Variants in ZBTB16 observed in about 807,000 individuals in gnomAD.
ZBTB16 encodes zinc finger and BTB domain containing 16, also known as zinc finger and BTB domain-containing protein 16.
A neutral mutation model predicts 56.8 loss-of-function variants in ZBTB16; 8 were observed. The observed-to-expected ratio is 0.14, with a 90% confidence interval of 0.08 to 0.25. The LOEUF is 0.25. Among genes scored for constraint, ZBTB16 ranks in the 10% least tolerant of loss-of-function variants. ZBTB16 has a pLI of 1.00. For missense variants in ZBTB16, 625 were observed against 903.0 expected (o/e 0.69, Z 3.95); for synonymous variants, 363 against 368.5 (o/e 0.98, Z 0.17).
rs138002933 is a variant in ZBTB16, at chr11:114,185,123, G to A, written c.1367-1829G>A. On this transcript the variant is annotated intron_variant, in intron 3 of 6. Coordinates refer to ENST00000335953, the MANE Select transcript of ZBTB16 (RefSeq NM_006006.6). ...CTCAGGAGGCTGAGGTGGGAGGATC[G>A]CTTGAAACTAGGAGGTTGAGGCTGC... 8.9e-3 allele frequency among the ~76,000 whole-genome samples: 1,350 copies of A among 152,236 alleles called. 19 individuals are homozygous for A. The highest frequency in any genetic ancestry group is 0.03 in the African/African-American group (1,259 of 41,536).
At chr11:114,092,476 C>T (rs748684209) in intron 2 of ZBTB16, among the ~76,000 whole-genome samples, 2 of 152,160 alleles carry the variant, frequency 1.3e-5, no homozygotes, top group African/African-American at 2.4e-5. Flanking sequence ...CAGATGGTTC[C>T]GTTGTCCTCA....
rs145109478 is a variant in ZBTB16, at chr11:114,199,753, C to T, written c.1453+12715C>T. Among the ~76,000 whole-genome samples the T allele has an allele frequency of 4.2e-3, 640 of 152,300 alleles. 5 individuals are homozygous for T. The highest frequency in any genetic ancestry group is 6.2e-3 in the Non-Finnish European group (420 of 68,016). On this transcript the variant is annotated intron_variant, in intron 4 of 6. Coordinates refer to ENST00000335953, the MANE Select transcript of ZBTB16 (RefSeq NM_006006.6). Reference sequence around the variant, plus strand: ...AAGATTCTGATCTTGCATTGATGGTCTGTATTTTTCTCAACCTTAGTTTTT... The same window carrying T: ...AAGATTCTGATCTTGCATTGATGGTTTGTATTTTTCTCAACCTTAGTTTTT...
At chr11:114,089,828 T>A (rs1346392863) in intron 2 of ZBTB16, among the ~76,000 whole-genome samples, 1 of 152,208 alleles carries the variant, frequency 6.6e-6, no homozygotes, top group African/African-American at 2.4e-5. Context: ...CCCTCTAGAC[T>A]TCGCAGGTAA....
At chr11:114,095,717 TA>T (rs1408959603) in intron 2 of ZBTB16, among the ~76,000 whole-genome samples, 1 of 152,196 alleles carries the variant, frequency 6.6e-6, no homozygotes, top group African/African-American at 2.4e-5. Flanking sequence ...GGCTCAGGCC[TA>T]GGGGGTTAGG....
rs1351334910 is a variant in ZBTB16, at chr11:114,250,453, C to A, written c.1920C>A (p.Pro640=). ...GCACCATCTGCACAGAGTACTGCCC[C>A]AGCCTCTCCTCCATGCAGAAGCACA... ...YQCTICTEYC[P]SLSSMQKHMK... The change falls in exon 7 of 7, where the codon CCC becomes CCA. Residue 640 remains proline (P), a synonymous_variant. Transcript: ENST00000335953. This position sits in a 1 kb window ranked among gnomAD's most constrained non-coding sequence, Gnocchi z 6.0. 2 of 1,614,050 alleles carry A rather than the reference C, an allele frequency of 1.2e-6. No homozygotes were observed. Among genetic ancestry groups the A allele is most frequent in the African/African-American group, 1.3e-5 (1 of 74,930 alleles).
At chr11:114,171,817 T>C (rs1942976819) in intron 3 of ZBTB16, among the ~76,000 whole-genome samples, 1 of 152,240 alleles carries the variant, frequency 6.6e-6, no homozygotes, top group South Asian at 2.1e-4. Context: ...CTCAACATTA[T>C]AAAAGTTTGT....
chr11:114,233,061 A>T, intron 4 of ZBTB16, among the ~76,000 whole-genome samples: 1 of 105,024 alleles, frequency 9.5e-6, no homozygotes, highest in Non-Finnish European at 2.0e-5. Context: ...TACTGCACAT[A>T]CGCATGCGCG....
intron 2 of ZBTB16, among the ~76,000 whole-genome samples, chr11:114,104,679 C>T (rs1232326765): frequency 6.6e-6 from 1 of 152,158 alleles, no homozygotes; most frequent in Non-Finnish European, 1.5e-5. Flanking sequence ...AGGCCTGGGC[C>T]CTGGGAACAA....
intron 3 of ZBTB16, among the ~76,000 whole-genome samples, chr11:114,182,064 G>A (rs1340076370): frequency 6.6e-6 from 1 of 152,150 alleles, no homozygotes; most frequent in Non-Finnish European, 1.5e-5. Context: ...TATTGTTGTT[G>A]TTTTGAGACA....
In ZBTB16 at chr11:114,180,538, C is replaced by T. The variant is rs562158017; in HGVS notation, c.1367-6414C>T. Among the ~76,000 whole-genome samples, 3 of 152,320 alleles carry T rather than the reference C, an allele frequency of 2.0e-5. No individual in the cohort carries two copies. The South Asian group carries it at 6.2e-4, about 32-fold the overall frequency. ...CAGAAGAAGCAGACAGCCCCACTTC[C>T]TAACCTTTCCTCCCTTTTCCTCTCA... On this transcript the variant is annotated intron_variant, in intron 3 of 6. Coordinates refer to ENST00000335953, the MANE Select transcript of ZBTB16 (RefSeq NM_006006.6).
At chr11:114,095,001 C>T (rs1184075129) in intron 2 of ZBTB16, among the ~76,000 whole-genome samples, 1 of 152,218 alleles carries the variant, frequency 6.6e-6, no homozygotes, top group Non-Finnish European at 1.5e-5. Flanking sequence ...AAGCTGGGGG[C>T]CTGTCTGCAT....
chr11:114,171,365 C>A (rs1942962916), intron 3 of ZBTB16, among the ~76,000 whole-genome samples: 2 of 152,334 alleles, frequency 1.3e-5, no homozygotes, highest in South Asian at 4.1e-4. Context: ...CTGAACTCCA[C>A]CCCCATCCAG....
intron 4 of ZBTB16, among the ~76,000 whole-genome samples, chr11:114,191,202 C>G (rs528968688): frequency 6.6e-6 from 1 of 152,238 alleles, no homozygotes; most frequent in East Asian, 1.9e-4. Context: ...GATTACAGTT[C>G]AACATGAGAT....
chr11:114,173,150 C>T (rs1414544549), intron 3 of ZBTB16, among the ~76,000 whole-genome samples: 3 of 152,216 alleles, frequency 2.0e-5, no homozygotes, highest in Non-Finnish European at 4.4e-5. Flanking sequence ...CCAGTTTGAA[C>T]ATTTTACTAC....
chr11:114,074,952 G>A (rs1434350155), intron 2 of ZBTB16, among the ~76,000 whole-genome samples: 1 of 152,138 alleles, frequency 6.6e-6, no homozygotes, highest in African/African-American at 2.4e-5. Context: ...CGACTTAACC[G>A]TTTCCATGCC....
intron 2 of ZBTB16, among the ~76,000 whole-genome samples, chr11:114,126,146 A>T (rs1054093196): frequency 3.9e-5 from 6 of 152,174 alleles, no homozygotes; most frequent in African/African-American, 1.4e-4. Flanking sequence ...TCTTTCTGGC[A>T]CTGAGACTTT....
In ZBTB16 at chr11:114,156,498, C is replaced by T. The variant is rs555396925; in HGVS notation, c.1366+64C>T. 7 of 1,499,544 alleles carry T rather than the reference C, an allele frequency of 4.7e-6. No individual in the cohort carries two copies. In the East Asian group the frequency reaches 1.6e-4, roughly 34 times the overall value. The allele number at this position is 1,499,544 out of a possible 1,614,324, so 92.9% of individuals were successfully genotyped here. ...CAACCATCTCCTGCTTGCCTTTACC[C>T]CTCCTCAGAGCCTGCTGTGGCCTGC... On this transcript the variant is annotated intron_variant, in intron 3 of 6. Transcript: ENST00000335953.
At chr11:114,159,440 C>T (rs974398536) in intron 3 of ZBTB16, among the ~76,000 whole-genome samples, 1 of 152,166 alleles carries the variant, frequency 6.6e-6, no homozygotes, top group Non-Finnish European at 1.5e-5. Context: ...TTTAATTCAC[C>T]CTTGCAGATA....
intron 2 of ZBTB16, among the ~76,000 whole-genome samples, chr11:114,106,797 A>G (rs185828249): frequency 6.1e-4 from 93 of 152,266 alleles, no homozygotes; most frequent in Admixed American, 1.3e-3. Flanking sequence ...CTGATGGAAA[A>G]GAAATCTAGC....
Sources: gnomAD v4.1 joint callset for allele counts (sites outside exome capture counted in the v4.1 genomes callset) on GRCh38, gnomAD v4.1.1 for gene constraint, Gnocchi (gnomAD v3.1) non-coding constraint, MANE v1.5 for transcripts, NCBI Gene and HGNC (gene_info 2026-07-23, HGNC 2026-07-21) for gene names.